Variants in SLC20A2 observed in about 807,000 individuals in gnomAD.
The protein encoded by SLC20A2 is solute carrier family 20 member 2.
SLC20A2 carries 30 observed loss-of-function variants against 61.0 expected under a neutral mutation model. The observed-to-expected ratio is 0.49, with a 90% CI of 0.37 to 0.67. The LOEUF (loss-of-function observed/expected upper bound fraction) is 0.67. Ranked by LOEUF, SLC20A2 falls within the 30% of genes least tolerant of loss-of-function variation. SLC20A2 has a pLI of 0.00. For missense variants in SLC20A2, 626 were observed against 866.4 expected (o/e 0.72, Z 3.48); for synonymous variants, 351 against 353.3 (o/e 0.99, Z 0.07).
upstream of SLC20A2, among the ~76,000 whole-genome samples, chr8:42,504,501 A>G (rs1308579760): frequency 6.6e-6 from 1 of 152,098 alleles, no homozygotes; most frequent in Non-Finnish European, 1.5e-5. Flanking sequence ...AAAAAGAGAG[A>G]AGAAGAATTT....
At chr8:42,433,395 C>G (rs2130982637) in intron 8 of SLC20A2, among the ~76,000 whole-genome samples, 1 of 152,234 alleles carries the variant, frequency 6.6e-6, no homozygotes, top group South Asian at 2.1e-4. Flanking sequence ...ATGATCTCGG[C>G]TCACTGCAAT....
Position 42,437,003 on chromosome 8 carries a change from G to T in SLC20A2, c.1509C>A (p.Gly503=). The T allele has an allele frequency of 1.2e-6, 2 of 1,604,658 alleles. No homozygotes were observed. The highest frequency in any genetic ancestry group is 2.2e-5 in the East Asian group (1 of 44,804). Residue 503 remains glycine (G), a synonymous_variant, in exon 8 of 11, where the codon GGC becomes GGA. Transcript: ENST00000520262. This position sits in a 1 kb window ranked among gnomAD's most constrained non-coding sequence, Gnocchi z 6.4. ...AAAGCACCCACCTCACGTCATTGCC[G>T]CCGTGAGCAAAGGACCCGAAACAGG... ...LTACFGSFAH[G]GNDVSNAIGP...
chr8:42,492,455 T>C (rs771292048), intron 1 of SLC20A2, among the ~76,000 whole-genome samples: 14 of 152,184 alleles, frequency 9.2e-5, no homozygotes, highest in African/African-American at 2.2e-4. Context: ...ACTCCTCTCA[T>C]ATAATTGCAG....
chr8:42,501,797 T>TCCCTTGTCCC (rs1174746327), upstream of SLC20A2, among the ~76,000 whole-genome samples: 1 of 152,236 alleles, frequency 6.6e-6, no homozygotes, highest in Non-Finnish European at 1.5e-5. Context: ...AAAGGCATTG[T>TCCCTTGTCCC]CCTTGGCAAG....
rs1433611309 is a variant in SLC20A2, at chr8:42,522,194, C to T, written c.-265+19627G>A. ...ATAGTGAGCAAGCAGTTATCACGTCCCAGGTACTAGAGCCTATCTCATTTA... is the reference window on the plus strand; with the variant it reads ...ATAGTGAGCAAGCAGTTATCACGTCTCAGGTACTAGAGCCTATCTCATTTA... On this transcript the variant is annotated intron_variant, in intron 1 of 10. Coordinates refer to the SLC20A2 transcript ENST00000342228. Among the ~76,000 whole-genome samples the T allele has an allele frequency of 2.5e-5, 3 of 120,438 alleles. 1 individual carries two copies. Among genetic ancestry groups the T allele is most frequent in the Non-Finnish European group, 6.0e-5 (3 of 50,226 alleles). The allele number at this position is 120,438 out of a possible 152,430, so 79.0% of individuals were successfully genotyped here.
intron 5 of SLC20A2, among the ~76,000 whole-genome samples, chr8:42,458,753 C>T (rs1199257678): frequency 6.6e-6 from 1 of 150,872 alleles, no homozygotes; most frequent in Non-Finnish European, 1.5e-5. Flanking sequence ...ACTAAAAATA[C>T]AAAAAATTAG....
chr8:42,520,642 C>T (rs1182415307), intron 1 of SLC20A2, among the ~76,000 whole-genome samples: 5 of 116,630 alleles, frequency 4.3e-5, no homozygotes, highest in Admixed American at 8.7e-5. Context: ...AGGAGAAGGG[C>T]GTGAACCCGG....
intron 1 of SLC20A2, among the ~76,000 whole-genome samples, chr8:42,476,297 G>A (rs1808099837): frequency 6.6e-6 from 1 of 151,684 alleles, no homozygotes; most frequent in South Asian, 2.1e-4. Flanking sequence ...TAGAGACGGG[G>A]TTTCACCGTG....
At chr8:42,530,126 A>G (rs1476036934) in intron 1 of SLC20A2, among the ~76,000 whole-genome samples, 1 of 152,142 alleles carries the variant, frequency 6.6e-6, no homozygotes, top group African/African-American at 2.4e-5. Flanking sequence ...CAAAAGAATG[A>G]ATTTTTTCAG....
chr8:42,533,185 A>G (rs929365827), intron 1 of SLC20A2, among the ~76,000 whole-genome samples: 11 of 152,204 alleles, frequency 7.2e-5, no homozygotes, highest in African/African-American at 2.7e-4. Flanking sequence ...TCATTCATAA[A>G]AGCAAAAATT....
chr8:42,465,713 T>G, intron 3 of SLC20A2, 64 bp downstream of exon 3: 1 of 1,464,968 alleles, frequency 6.8e-7, no homozygotes, highest in Non-Finnish European at 9.2e-7. Context: ...AAGTAACTTG[T>G]AATAAAACTT....
At chr8:42,508,834 T>C (rs969833052) in intron 1 of SLC20A2, among the ~76,000 whole-genome samples, 10 of 152,182 alleles carry the variant, frequency 6.6e-5, no homozygotes, top group African/African-American at 2.4e-4. Flanking sequence ...TTGATTGAGA[T>C]TCAAGCTCCA....
In SLC20A2 at chr8:42,417,892, C is replaced by T. The variant is rs757461191; in HGVS notation, c.1870G>A (p.Val624Met). Residue 624 changes from valine to methionine, a missense_variant, in exon 11 of 11, where the codon GTG (valine) becomes ATG (methionine). Val to Met is a conservative substitution (Grantham distance 21). Around this residue, in one of 3 missense-constraint regions of SLC20A2, gnomAD observed 138 missense variants for 228.7 expected, o/e 0.60. Transcript: ENST00000520262. ...VDWRLFRNIF[V>M]AWFVTVPVAG... ...ACAGGGACGGTCACGAACCAGGCCA[C>T]GAAGATGTTCCGAAAGAGGCGCCAG... 2.2e-5 allele frequency: 36 copies of T among 1,614,002 alleles called. No homozygotes were observed. The highest frequency in any genetic ancestry group is 2.1e-4 in the South Asian group (19 of 91,074).
At chr8:42,492,114 T>C (rs1042867356) in intron 1 of SLC20A2, among the ~76,000 whole-genome samples, 3 of 152,326 alleles carry the variant, frequency 2.0e-5, no homozygotes, top group Admixed American at 2.0e-4. Flanking sequence ...CCCAGCACTT[T>C]GGGAGGCCGA....
At chr8:42,515,025 CTAAG>C (rs1323370735) in intron 1 of SLC20A2, among the ~76,000 whole-genome samples, 1 of 152,162 alleles carries the variant, frequency 6.6e-6, no homozygotes, top group South Asian at 2.1e-4. Flanking sequence ...TACTGTGCAC[CTAAG>C]TGTCAGGAAC....
rs546400066 is a variant in SLC20A2, at chr8:42,451,198, G to A, written c.614-6436C>T. 8.7e-5 allele frequency among the ~76,000 whole-genome samples: 13 copies of A among 150,270 alleles called. No homozygotes were observed. In the South Asian group the frequency reaches 1.5e-3, roughly 18 times the overall value. Reference sequence around the variant, plus strand: ...GAAGGAGGAGGAAGATGAGAAGGAAGAGGAGAAACCAGAGGAGGGGGATGA... The same window carrying A: ...GAAGGAGGAGGAAGATGAGAAGGAAAAGGAGAAACCAGAGGAGGGGGATGA... On this transcript the variant is annotated intron_variant, in intron 5 of 10. Coordinates refer to ENST00000520262, the MANE Select transcript of SLC20A2 (RefSeq NM_001257180.2).
At chr8:42,465,547 C>T (rs1015350215) in intron 3 of SLC20A2, among the ~76,000 whole-genome samples, 3 of 151,596 alleles carry the variant, frequency 2.0e-5, no homozygotes. Flanking sequence ...CAAAAATTAG[C>T]AGGCGTGGTA....
At chr8:42,448,384 A>C (rs1805393491) in intron 5 of SLC20A2, among the ~76,000 whole-genome samples, 1 of 152,192 alleles carries the variant, frequency 6.6e-6, no homozygotes, top group East Asian at 1.9e-4. Context: ...ATTCATGCTG[A>C]GCAGGGCCCG....
chr8:42,442,574 C>G (rs1804866454), intron 6 of SLC20A2, among the ~76,000 whole-genome samples: 2 of 152,202 alleles, frequency 1.3e-5, no homozygotes, highest in Non-Finnish European at 2.9e-5. Context: ...ATGTGTCTCT[C>G]TCTTCCACAC....
Sources: allele counts gnomAD v4.1 joint callset (sites outside exome capture counted in the v4.1 genomes callset), GRCh38; gene constraint gnomAD v4.1.1; regional missense constraint gnomAD v4.1.1; non-coding constraint Gnocchi (gnomAD v3.1); transcripts MANE v1.5; gene names NCBI Gene and HGNC (gene_info 2026-07-23, HGNC 2026-07-21).